Variants in KCNN2 observed in about 807,000 individuals in gnomAD.
The protein encoded by KCNN2 is potassium calcium-activated channel subfamily N member 2, also known as small conductance calcium-activated potassium channel protein 2.
Under a neutral mutation model 55.5 loss-of-function variants are expected in KCNN2, and 24 were observed. That is an observed-to-expected ratio of 0.43 (90% CI 0.31 to 0.61). KCNN2 has a LOEUF of 0.61. KCNN2 is among the 20% of genes least tolerant of loss of function. The pLI is 0.08. For synonymous variants in KCNN2, 431 were observed against 336.1 expected, an observed-to-expected ratio of 1.28 and a Z score of -3.09; for missense variants, 754 against 853.6, an observed-to-expected ratio of 0.88 and a Z score of 1.45.
At chr5:114,279,986 A>G (rs112191693) in intron 2 of KCNN2, among the ~76,000 whole-genome samples, 19,020 of 152,044 alleles carry the variant, frequency 0.13, 1,543 homozygotes, top group Middle Eastern at 0.19. Flanking sequence ...TTTAATGATC[A>G]CCATTCTAAC....
intron 1 of KCNN2, among the ~76,000 whole-genome samples, chr5:114,183,525 A>G (rs1013869651): frequency 3.9e-5 from 6 of 152,114 alleles, no homozygotes; most frequent in African/African-American, 1.4e-4. Flanking sequence ...CAATTTCTTG[A>G]TAGATATACA....
intron 1 of KCNN2, among the ~76,000 whole-genome samples, chr5:114,102,478 T>G (rs1302395850): frequency 1.3e-5 from 2 of 152,252 alleles, no homozygotes; most frequent in Non-Finnish European, 2.9e-5. Context: ...TTGTTGCCAT[T>G]GCTTTTGGTG....
intron 1 of KCNN2, among the ~76,000 whole-genome samples, chr5:114,132,276 A>T (rs773231111): frequency 3.9e-5 from 6 of 152,184 alleles, no homozygotes; most frequent in Admixed American, 3.9e-4. Flanking sequence ...TTTACATTTA[A>T]GTCTTTAATC....
At chr5:114,355,106 C>T (rs1580742118) in intron 2 of KCNN2, among the ~76,000 whole-genome samples, 2 of 152,300 alleles carry the variant, frequency 1.3e-5, no homozygotes, top group Middle Eastern at 6.8e-3. Context: ...GGCACCAACT[C>T]TCTCCTGGCA....
At chr5:114,370,495 A>G (rs1757730263) in intron 2 of KCNN2, among the ~76,000 whole-genome samples, 1 of 152,142 alleles carries the variant, frequency 6.6e-6, no homozygotes, top group Non-Finnish European at 1.5e-5. Context: ...TAAATTCCCT[A>G]GAGGAGAGAC....
chr5:114,481,589 C>G lies in KCNN2; in HGVS notation c.1891-5461C>G, dbSNP rs1217901195. ...CAAAAAAGAGTTGGAGTTGCCAAGA[C>G]AATCCTAAGCAAAAAGAACAAAGCT... On this transcript the variant is annotated intron_variant, in intron 5 of 7. Transcript: ENST00000673685. 2.0e-5 allele frequency among the ~76,000 whole-genome samples: 3 copies of G among 152,250 alleles called. No homozygotes were observed. The East Asian group carries it at 5.8e-4, about 29-fold the overall frequency.
At chr5:114,071,374 C>G (rs11949418) in intron 1 of KCNN2, among the ~76,000 whole-genome samples, 23,527 of 152,142 alleles carry the variant, frequency 0.15, 1,935 homozygotes, top group Middle Eastern at 0.21. Context: ...TCTTGGCTGT[C>G]AGATTACATT....
intron 1 of KCNN2, among the ~76,000 whole-genome samples, chr5:114,063,481 C>T (rs1290554789): frequency 1.3e-5 from 2 of 152,162 alleles, no homozygotes; most frequent in South Asian, 4.1e-4. Flanking sequence ...GATTCTGACT[C>T]AGTGTCTAGA....
intron 1 of KCNN2, among the ~76,000 whole-genome samples, chr5:114,164,020 T>C (rs1186880961): frequency 3.3e-5 from 5 of 152,182 alleles, no homozygotes; most frequent in Admixed American, 3.3e-4. Flanking sequence ...TGTCTTCTTT[T>C]GAAACTCATG....
Position 114,278,996 on chromosome 5 carries a change from T to G in KCNN2, c.-185+57431T>G, listed in dbSNP as rs115486762. ...GATCGGAGCTGTTCCTGTTTGGCCT[T>G]CTTGGAAGCAACCCCCTAGTTCTCA... On this transcript the variant is annotated intron_variant, in intron 2 of 10. Transcript: ENST00000512097. Among the ~76,000 whole-genome samples the G allele has an allele frequency of 3.3e-3, 474 of 141,518 alleles. 2 individuals carry two copies. Among genetic ancestry groups the G allele is most frequent in the Admixed American group, 0.013 (173 of 13,446 alleles). The allele number at this position is 141,518 out of a possible 152,430, so 92.8% of individuals were successfully genotyped here. A position where few individuals can be genotyped will look rare whatever the true frequency, so the allele number is the denominator to read the frequency against.
At chr5:114,297,718 G>T (rs1403067044) in intron 2 of KCNN2, among the ~76,000 whole-genome samples, 2 of 152,048 alleles carry the variant, frequency 1.3e-5, no homozygotes, top group Non-Finnish European at 2.9e-5. Context: ...TTTCATAATA[G>T]AGGTCTGGTT....
chr5:114,192,947 T>C (rs901167557), intron 1 of KCNN2, among the ~76,000 whole-genome samples: 1 of 152,108 alleles, frequency 6.6e-6, no homozygotes, highest in Admixed American at 6.6e-5. Context: ...CAACTGATTG[T>C]CCAGATGTTT....
At chr5:114,463,702 T>C (rs1010661792) in intron 4 of KCNN2, among the ~76,000 whole-genome samples, 2 of 152,208 alleles carry the variant, frequency 1.3e-5, no homozygotes, top group African/African-American at 2.4e-5. Context: ...CCTGCCTTCA[T>C]GGAGCTTACA....
chr5:114,344,447 G>T (rs922696523), intron 2 of KCNN2, among the ~76,000 whole-genome samples: 14 of 152,316 alleles, frequency 9.2e-5, no homozygotes, highest in Admixed American at 2.6e-4. Context: ...AAGCATCCAT[G>T]TGTGACAATA....
intron 1 of KCNN2, among the ~76,000 whole-genome samples, chr5:114,121,214 T>G (rs1188482456): frequency 6.6e-6 from 1 of 152,168 alleles, no homozygotes; most frequent in Non-Finnish European, 1.5e-5. Flanking sequence ...TTTGCACCTA[T>G]GGTATCATCC....
chr5:114,229,149 A>G (rs115788265), intron 2 of KCNN2, among the ~76,000 whole-genome samples: 4,553 of 151,966 alleles, frequency 0.03, 231 homozygotes, highest in African/African-American at 0.1. Context: ...AGGCAAAGAT[A>G]TTTTCCATTA....
chr5:114,229,771 A>G (rs1283189369), intron 2 of KCNN2, among the ~76,000 whole-genome samples: 1 of 152,146 alleles, frequency 6.6e-6, no homozygotes, highest in African/African-American at 2.4e-5. Context: ...AATAAGAAAA[A>G]CAAGCAACTG....
intron 3 of KCNN2, among the ~76,000 whole-genome samples, chr5:114,417,015 G>T (rs1759326832): frequency 6.6e-6 from 1 of 152,170 alleles, no homozygotes; most frequent in Admixed American, 6.5e-5. Flanking sequence ...ACAAAACTGG[G>T]TTATACTAGG....
intron 3 of KCNN2, among the ~76,000 whole-genome samples, chr5:114,439,825 C>T (rs972302616): frequency 1.3e-5 from 2 of 152,058 alleles, no homozygotes; most frequent in African/African-American, 4.8e-5. Context: ...GGGGTGTGTG[C>T]TTGGTGAGGT....
Sources: allele counts gnomAD v4.1 joint callset (sites outside exome capture counted in the v4.1 genomes callset), GRCh38; gene constraint gnomAD v4.1.1; transcripts MANE v1.5; gene names NCBI Gene and HGNC (gene_info 2026-07-23, HGNC 2026-07-21).